IGFL1: variants seen among roughly 807,000 people sequenced by gnomAD.
IGFL1 encodes insulin growth factor-like family member 1.
A neutral mutation model predicts 16.0 loss-of-function variants in IGFL1; 16 were observed. The observed-to-expected ratio is 1.00, with a 90% CI of 0.68 to 1.52. The LOEUF is 1.52. Ranked by LOEUF, IGFL1 falls within the 40% of genes most tolerant of loss-of-function variation. The pLI is 0.00. For synonymous variants in IGFL1, 59 were observed against 54.0 expected, an observed-to-expected ratio of 1.09 and a Z score of -0.41; for missense variants, 149 against 141.7, an observed-to-expected ratio of 1.05 and a Z score of -0.26.
chr19:46,230,253 C>T (rs1473044186), intron 2 of IGFL1, 21 bp from the exon 3 acceptor site: 1 of 1,613,874 alleles, frequency 6.2e-7, no homozygotes, highest in Admixed American at 1.7e-5. Context: ...TCCTGGATCT[C>T]ACCAGCTCTG....
At position 46,230,495 on chromosome 19, in the gene IGFL1, T is replaced by G; in HGVS notation, c.301T>G (p.Ser101Ala). 1 of 1,613,946 alleles carries G rather than the reference T, an allele frequency of 6.2e-7. No individual in the cohort carries two copies. Among genetic ancestry groups the G allele is most frequent in the East Asian group, 2.2e-5 (1 of 44,890 alleles). Residue 101 changes from serine (S) to alanine (A), a missense_variant, in exon 3 of 4, where the codon TCG becomes GCG. Coordinates refer to ENST00000437936, the MANE Select transcript of IGFL1 (RefSeq NM_198541.2). ...INQNCDSART[S>A]DDRLCRSVS ...CCAGAACTGCGACTCAGCCCGGACC[T>G]CGGATGACAGGCTTTGTCGCAGGTG...
chr19:46,230,918 C>G lies in IGFL1; in HGVS notation c.*88C>G, dbSNP rs1967236632. 1 of 1,328,824 alleles carries G rather than the reference C, an allele frequency of 7.5e-7. No homozygotes were observed. Among genetic ancestry groups the G allele is most frequent in the Non-Finnish European group, 1.1e-6 (1 of 939,436 alleles). 82.3% of individuals were successfully genotyped at this position (1,328,824 alleles called of 1,614,324 possible). ...CTGGTGTTACCTGAGATCTGGGATGCTGAGTGGCTGTTTGGGGGCCAGAGA... is the reference window on the plus strand; with the variant it reads ...CTGGTGTTACCTGAGATCTGGGATGGTGAGTGGCTGTTTGGGGGCCAGAGA... On this transcript the variant is annotated 3_prime_UTR_variant, in exon 4 of 4. Transcript: ENST00000437936.
chr19:46,230,085 T>G, intron 1 of IGFL1, 23 bp from the exon 2 acceptor site: 1 of 1,610,980 alleles, frequency 6.2e-7, no homozygotes, highest in Non-Finnish European at 8.5e-7. Flanking sequence ...ACTCACCCCA[T>G]CTTCCCTTTC....
Position 46,230,300 on chromosome 19 carries a change from C to T in IGFL1, c.106C>T (p.Leu36=), listed in dbSNP as rs1967228417. 1 of 1,613,886 alleles carries T rather than the reference C, an allele frequency of 6.2e-7. No homozygotes were observed. The highest frequency in any genetic ancestry group is 8.5e-7 in the Non-Finnish European group (1 of 1,179,892). The change falls in exon 3 of 4, where the codon CTG becomes TTG. Residue 36 remains leucine, a synonymous_variant. Coordinates refer to ENST00000437936, the MANE Select transcript of IGFL1 (RefSeq NM_198541.2). ...GGCCCCCATGACTCCTTACCTGATG[C>T]TGTGCCAGCCACACAAGAGATGTGG... The part of the protein sequence containing the change: ...PVAPMTPYLM[L]CQPHKRCGDK...
intron 3 of IGFL1, 109 bp downstream of exon 3, chr19:46,230,626 C>T: frequency 8.0e-6 from 12 of 1,504,236 alleles, no homozygotes; most frequent in Non-Finnish European, 1.1e-5. Context: ...CCCCCTGCTT[C>T]TATTCAATCC....
intron 1 of IGFL1, 62 bp downstream of exon 1, chr19:46,229,861 C>A: frequency 6.5e-7 from 1 of 1,545,844 alleles, no homozygotes; most frequent in Non-Finnish European, 8.8e-7. Flanking sequence ...ACCACCAGGG[C>A]TCTCTCCCTA....
At chr19:46,230,187 TGGA>T in intron 2 of IGFL1, 26 bp downstream of exon 2, 1 of 1,613,868 alleles carries the variant, frequency 6.2e-7, no homozygotes, top group Non-Finnish European at 8.5e-7. Flanking sequence ...TTTGGGAAGC[TGGA>T]GGAGGGGTAC....
chr19:46,230,095 C>T lies in IGFL1; in HGVS notation c.26-13C>T. On this transcript the variant is annotated splice_polypyrimidine_tract_variant and intron_variant, in intron 1 of 3. Coordinates refer to ENST00000437936, the MANE Select transcript of IGFL1 (RefSeq NM_198541.2). ...TGTCCACTCACCCCATCTTCCCTTT[C>T]CCTTTCCCACAGCTGTCTTTGCCAT... 6.2e-7 allele frequency: 1 copy of T among 1,612,924 alleles called. No homozygotes were observed. Among genetic ancestry groups the T allele is most frequent in the South Asian group, 1.1e-5 (1 of 91,044 alleles).
At chr19:46,229,894 G>C (rs569307881) in intron 1 of IGFL1, 95 bp downstream of exon 1, 2 of 1,423,188 alleles carry the variant, frequency 1.4e-6, no homozygotes, top group African/African-American at 2.8e-5. Context: ...CCTCATCCCT[G>C]TTCCCATGCC....
At position 46,230,957 on chromosome 19, in the gene IGFL1, C is replaced by G; in HGVS notation, c.*127C>G. The G allele has an allele frequency of 1.1e-6, 1 of 931,212 alleles. No individual in the cohort carries two copies. Among genetic ancestry groups the G allele is most frequent in the Non-Finnish European group, 1.7e-6 (1 of 582,948 alleles). 57.7% of individuals were successfully genotyped at this position (931,212 alleles called of 1,614,324 possible). A position where few individuals can be genotyped will look rare whatever the true frequency, so the allele number is the denominator to read the frequency against. On this transcript the variant is annotated 3_prime_UTR_variant, in exon 4 of 4. Coordinates refer to ENST00000437936, the MANE Select transcript of IGFL1 (RefSeq NM_198541.2). ...GGGGGCCAGAGAAACACACACTCAA[C>G]TGCCCACTTCATTCTGTGACCTGTC...
rs1260389682 is a variant in IGFL1 at position 46,230,710 on chromosome 19, G to A, written c.324-111G>A. On this transcript the variant is annotated intron_variant, in intron 3 of 3. Transcript: ENST00000437936. Reference sequence around the variant, plus strand: ...CTCAGAATCTCACTCTCTCTACCCCGCTGTCCTCTCCTCCTGGCTCTCCTG... The same window carrying A: ...CTCAGAATCTCACTCTCTCTACCCCACTGTCCTCTCCTCCTGGCTCTCCTG... 57 of 1,390,992 alleles carry A rather than the reference G, an allele frequency of 4.1e-5. 1 individual carries two copies. The highest frequency in any genetic ancestry group is 3.7e-4 in the South Asian group (31 of 83,726). The allele number at this position is 1,390,992 out of a possible 1,614,324, so 86.2% of individuals were successfully genotyped here.
chr19:46,230,546 G>A (rs940890264), intron 3 of IGFL1, 29 bp downstream of exon 3: 1 of 1,610,102 alleles, frequency 6.2e-7, no homozygotes, highest in African/African-American at 1.3e-5. Context: ...GTGGGATTGT[G>A]GGTGCAGGGT....
rs371799800 is a variant in IGFL1 at position 46,230,375 on chromosome 19, G to A, written c.181G>A (p.Val61Met). ...GCACTGTTGCTATGATGATGCCGTC[G>A]TGCCCTTGGCCAGGACCCAGACGTG... ...LQHCCYDDAV[V>M]PLARTQTCGN... Residue 61 changes from valine (V) to methionine (M), a missense_variant, in exon 3 of 4, where the codon GTG becomes ATG. Physicochemically the swap from Val to Met is conservative, Grantham distance 21 (BLOSUM62 1). Coordinates refer to ENST00000437936, the MANE Select transcript of IGFL1 (RefSeq NM_198541.2). 3 of 1,614,000 alleles carry A rather than the reference G, an allele frequency of 1.9e-6. No homozygotes were observed. The highest frequency in any genetic ancestry group is 1.7e-6 in the Non-Finnish European group (2 of 1,179,886).
chr19:46,230,187 T>C lies in IGFL1; in HGVS notation c.79+26T>C, dbSNP rs369173293. The C allele has an allele frequency of 2.0e-5, 32 of 1,613,868 alleles. 1 individual carries two copies. In the East Asian group the frequency reaches 2.0e-4, roughly 10 times the overall value. On this transcript the variant is annotated intron_variant, in intron 2 of 3. Coordinates refer to ENST00000437936, the MANE Select transcript of IGFL1 (RefSeq NM_198541.2). ...GTGAGCCCAGGAGTGTTTGGGAAGC[T>C]GGAGGAGGGGTACACCTTCCAGGGG...
Position 46,230,359 on chromosome 19 carries a change from C to G in IGFL1, c.165C>G (p.Cys55Trp), listed in dbSNP as rs1967229223. The G allele has an allele frequency of 2.5e-6, 4 of 1,613,924 alleles. No homozygotes were observed. ...TCTACGACCCCCTGCAGCACTGTTG[C>G]TATGATGATGCCGTCGTGCCCTTGG... ...DKFYDPLQHC[C>W]YDDAVVPLAR... Residue 55 changes from cysteine (C) to tryptophan (W), a missense_variant, in exon 3 of 4, where the codon TGC becomes TGG. By Grantham distance (215) the Cys-to-Trp change is radical. Transcript: ENST00000437936.
At position 46,230,824 on chromosome 19, in the gene IGFL1, C is replaced by G. The variant is rs1313648064; in HGVS notation, c.327C>G (p.Val109=). The G allele has an allele frequency of 6.2e-7, 1 of 1,611,890 alleles. No individual in the cohort carries two copies. The highest frequency in any genetic ancestry group is 1.1e-5 in the South Asian group (1 of 90,312). The stretch of plus-strand genomic sequence containing the variant: ...CTCTCTCTGTCACTATCTCCAGTGT[C>G]AGCTAATGGAACATCAGGGGAACGA... ...RTSDDRLCRS[V]S is the part of the protein sequence containing the mutation. Residue 109 remains valine, a synonymous_variant, in exon 4 of 4, where the codon GTC becomes GTG. Coordinates refer to ENST00000437936, the MANE Select transcript of IGFL1 (RefSeq NM_198541.2).
chr19:46,229,887 C>A, intron 1 of IGFL1, 88 bp downstream of exon 1: 1 of 1,444,108 alleles, frequency 6.9e-7, no homozygotes, highest in Non-Finnish European at 9.6e-7. Flanking sequence ...AACTACACCT[C>A]ATCCCTGTTC....
At chr19:46,229,963 C>T in intron 1 of IGFL1, 145 bp from the exon 2 acceptor site, 2 of 1,203,918 alleles carry the variant, frequency 1.7e-6, no homozygotes, top group Non-Finnish European at 2.4e-6. Flanking sequence ...GTGCCCAGAT[C>T]AGCCCCATCC....
intron 3 of IGFL1, 101 bp from the exon 4 acceptor site, chr19:46,230,720 C>G: frequency 7.0e-7 from 1 of 1,436,102 alleles, no homozygotes; most frequent in Non-Finnish European, 9.7e-7. Context: ...GCTGTCCTCT[C>G]CTCCTGGCTC....
Sources: gnomAD v4.1 joint callset for allele counts on GRCh38, gnomAD v4.1.1 for gene constraint, MANE v1.5 for transcripts, NCBI Gene and HGNC (gene_info 2026-07-23, HGNC 2026-07-21) for gene names.